The following PDE4A variants were observed in gnomAD, a reference collection of about 807,000 sequenced individuals.
PDE4A encodes phosphodiesterase 4A.
Under a neutral mutation model 73.9 loss-of-function variants are expected in PDE4A, and 21 were observed. The observed-to-expected ratio is 0.28, with a 90% CI of 0.20 to 0.41. PDE4A has a LOEUF of 0.41. Ranked by LOEUF, PDE4A falls within the 10% of genes least tolerant of loss-of-function variation. The probability of loss-of-function intolerance (pLI) is 1.00; values close to 1 mark genes in which losing one functional copy is unlikely to be tolerated. For synonymous variants in PDE4A, 463 were observed against 505.4 expected (o/e 0.92, Z 1.13); for missense variants, 958 against 1,211.4 (o/e 0.79, Z 3.10).
Position 10,424,110 on chromosome 19 carries a change from C to T in PDE4A, c.320+3026C>T. Reference sequence around the variant, plus strand: ...CCCAGAGAGAGGGCACTGCCCACCCCCAACCGGAGATGTCATCCAAACCTC... The same window carrying T: ...CCCAGAGAGAGGGCACTGCCCACCCTCAACCGGAGATGTCATCCAAACCTC... On this transcript the variant is annotated intron_variant, in intron 1 of 14. Coordinates refer to ENST00000380702, the MANE Select transcript of PDE4A (RefSeq NM_001111307.2). The surrounding 1 kb of genome is among the most constrained non-coding windows in gnomAD (Gnocchi z 4.8). 6.6e-6 allele frequency among the ~76,000 whole-genome samples: 1 copy of T among 152,210 alleles called. No homozygotes were observed. The highest frequency in any genetic ancestry group is 1.9e-4 in the East Asian group (1 of 5,198).
chr19:10,463,804 C>T lies in PDE4A; in HGVS notation c.1755C>T (p.Asn585=), dbSNP rs2043317938. 1 of 1,614,172 alleles carries T rather than the reference C, an allele frequency of 6.2e-7. No individual in the cohort carries two copies. Among genetic ancestry groups the T allele is most frequent in the South Asian group, 1.1e-5 (1 of 91,082 alleles). Reference sequence around the variant, plus strand: ...CCAACCCCATGCAGGTCCTCCGGAACATGGTGCACTGTGCCGACCTCAGCA... The same window carrying T: ...CCAACCCCATGCAGGTCCTCCGGAATATGGTGCACTGTGCCGACCTCAGCA... ...NYSDRIQVLR[N]MVHCADLSNP... is the part of the protein sequence containing the mutation. Residue 585 remains asparagine, a synonymous_variant, in exon 14 of 15, where the codon AAC becomes AAT. Coordinates refer to ENST00000380702, the MANE Select transcript of PDE4A (RefSeq NM_001111307.2).
chr19:10,425,354 T>A (rs1321410505), intron 1 of PDE4A, among the ~76,000 whole-genome samples: 1 of 152,202 alleles, frequency 6.6e-6, no homozygotes, highest in Non-Finnish European at 1.5e-5. Flanking sequence ...GAGCCTCAGT[T>A]TCCTCATCAG....
At chr19:10,466,314 G>A (rs1002097145) in intron 14 of PDE4A, among the ~76,000 whole-genome samples, 1 of 148,950 alleles carries the variant, frequency 6.7e-6, no homozygotes, top group Admixed American at 6.6e-5. Flanking sequence ...GCACGATGGC[G>A]GGCGCCTGTA....
chr19:10,457,777 T>G, intron 7 of PDE4A, 102 bp from the exon 8 acceptor site: 5 of 1,531,570 alleles, frequency 3.3e-6, no homozygotes, highest in Non-Finnish European at 4.4e-6. Flanking sequence ...TTCTGCCGTT[T>G]CGGGTGAGCC....
intron 1 of PDE4A, among the ~76,000 whole-genome samples, chr19:10,438,665 T>C (rs188537341): frequency 3.9e-5 from 6 of 152,262 alleles, no homozygotes; most frequent in Non-Finnish European, 7.4e-5. Context: ...TGGAATGCAA[T>C]GTCCCAATCT....
intron 1 of PDE4A, chr19:10,423,114 C>A: frequency 5.1e-6 from 5 of 978,962 alleles, no homozygotes; most frequent in Non-Finnish European, 4.8e-6. Context: ...GGTATTCCTG[C>A]TGGCATATGG....
Position 10,421,138 on chromosome 19 carries a change from G to A in PDE4A, c.320+54G>A. 3.0e-6 allele frequency: 4 copies of A among 1,339,974 alleles called. No homozygotes were observed. In the South Asian group the frequency reaches 7.6e-5, roughly 25 times the overall value. 83.0% of individuals were successfully genotyped at this position (1,339,974 alleles called of 1,614,324 possible). A position where few individuals can be genotyped will look rare whatever the true frequency, so the allele number is the denominator to read the frequency against. On this transcript the variant is annotated intron_variant, in intron 1 of 14. Transcript: ENST00000380702. Reference sequence around the variant, plus strand: ...GAACGGATGGGCGCGCAGGGAGGAGGCAACTCGAGCTGCCGGCCGCAGGGG... The same window carrying A: ...GAACGGATGGGCGCGCAGGGAGGAGACAACTCGAGCTGCCGGCCGCAGGGG...
intron 1 of PDE4A, chr19:10,427,878 C>T: frequency 1.0e-6 from 1 of 984,502 alleles, no homozygotes; most frequent in Non-Finnish European, 1.2e-6. Flanking sequence ...TCATGCCCAA[C>T]ACACTTTGGG....
Position 10,420,971 on chromosome 19 carries a change from T to C in PDE4A, c.207T>C (p.Asp69=). Residue 69 remains aspartate, a synonymous_variant, in exon 1 of 15, where the codon GAT becomes GAC. Coordinates refer to ENST00000380702, the MANE Select transcript of PDE4A (RefSeq NM_001111307.2). The surrounding 1 kb of genome is among the most constrained non-coding windows in gnomAD (Gnocchi z 6.0). The part of the protein sequence containing the change: ...RQPHRPIERA[D]AMDTSDRPGL... ...CGCACCGGCCCATAGAGCGCGCCGA[T>C]GCCATGGACACCAGCGACCGGCCCG... 1 of 1,552,894 alleles carries C rather than the reference T, an allele frequency of 6.4e-7. No homozygotes were observed. The highest frequency in any genetic ancestry group is 8.6e-7 in the Non-Finnish European group (1 of 1,158,554).
chr19:10,461,832 G>T (rs199805319), intron 12 of PDE4A, 45 bp from the exon 13 acceptor site: 7 of 1,600,042 alleles, frequency 4.4e-6, no homozygotes, highest in Non-Finnish European at 6.0e-6. Flanking sequence ...GGGTCAGTCT[G>T]GGGGGCGGGT....
upstream of PDE4A, among the ~76,000 whole-genome samples, chr19:10,418,084 G>A (rs1214316035): frequency 6.6e-6 from 1 of 152,174 alleles, no homozygotes; most frequent in Admixed American, 6.5e-5. Context: ...GAGTCAGCAA[G>A]GGGCAGGACT....
rs2043133565 is a variant in PDE4A at position 10,453,972 on chromosome 19, C to G, written c.784-857C>G. ...CAAGTGTCCCTCCTGCTTCCCTGGA[C>G]AGAGTCTGCTCCTGCTTTTGGGGTG... On this transcript the variant is annotated intron_variant, in intron 6 of 14. Transcript: ENST00000380702. The surrounding 1 kb of genome is among the most constrained non-coding windows in gnomAD (Gnocchi z 4.6). 6.6e-6 allele frequency among the ~76,000 whole-genome samples: 1 copy of G among 152,052 alleles called. No individual in the cohort carries two copies. The highest frequency in any genetic ancestry group is 1.5e-5 in the Non-Finnish European group (1 of 67,994).
intron 10 of PDE4A, among the ~76,000 whole-genome samples, chr19:10,460,624 G>A (rs527310813): frequency 4.5e-4 from 67 of 148,926 alleles, no homozygotes; most frequent in African/African-American, 1.6e-3. Context: ...GCGAAACCCT[G>A]TCTCTACCAA....
At position 10,464,079 on chromosome 19, in the gene PDE4A, T is replaced by C. The variant is rs2043324387; in HGVS notation, c.1926+104T>C. 1.6e-5 allele frequency: 23 copies of C among 1,422,716 alleles called. 1 individual carries two copies. In the South Asian group the frequency reaches 2.6e-4, roughly 16 times the overall value. 88.1% of individuals were successfully genotyped at this position (1,422,716 alleles called of 1,614,324 possible). On this transcript the variant is annotated intron_variant, in intron 14 of 14. Transcript: ENST00000380702. ...GAGCTCCTCCCCTGCCTTTCCACAA[T>C]GCCAAGTTGTCCTGTTTTTGGTTTT...
At chr19:10,445,246 C>A (rs2042988261) in intron 1 of PDE4A, among the ~76,000 whole-genome samples, 1 of 152,152 alleles carries the variant, frequency 6.6e-6, no homozygotes, top group East Asian at 1.9e-4. Flanking sequence ...TGCAACCAGT[C>A]CTGGCTGAGG....
chr19:10,417,289 G>T, upstream of PDE4A: 9 of 985,052 alleles, frequency 9.1e-6, no homozygotes, highest in Non-Finnish European at 1.1e-5. Context: ...AGATGTGAGG[G>T]ATGGGAGGGG....
chr19:10,446,278 G>A lies in PDE4A; in HGVS notation c.381G>A (p.Ala127=), dbSNP rs374833601. The change falls in exon 2 of 15, where the codon GCG becomes GCA. Residue 127 remains alanine (A), a synonymous_variant. Transcript: ENST00000380702. The part of the protein sequence containing the change: ...SPGRSPLDSQ[A]SPGLVLHAGA... ...GCCGCAGCCCCCTGGACTCGCAGGC[G>A]AGCCCAGGACTCGTGCTGCACGCCG... 4.7e-5 allele frequency: 76 copies of A among 1,606,970 alleles called. No individual in the cohort carries two copies. Among genetic ancestry groups the A allele is most frequent in the Non-Finnish European group, 5.9e-5 (70 of 1,176,884 alleles).
intron 1 of PDE4A, among the ~76,000 whole-genome samples, chr19:10,444,669 GA>G (rs2042981075): frequency 6.9e-6 from 1 of 143,902 alleles, no homozygotes; most frequent in South Asian, 2.3e-4. Context: ...CTGTGTCTGA[GA>G]TTTTTTTTTT....
Position 10,467,678 on chromosome 19 carries a change from C to T in PDE4A, c.*57C>T, listed in dbSNP as rs1483665822. 2.3e-6 allele frequency: 3 copies of T among 1,308,150 alleles called. No individual in the cohort carries two copies. Among genetic ancestry groups the T allele is most frequent in the East Asian group, 2.3e-5 (1 of 42,572 alleles). The allele number at this position is 1,308,150 out of a possible 1,614,324, so 81.0% of individuals were successfully genotyped here. ...TCCTCCCCTCACTCCCCTGCTCCCC[C>T]GACCACCTCCTCCTCTGCCTCAAAG... On this transcript the variant is annotated 3_prime_UTR_variant, in exon 15 of 15. Transcript: ENST00000380702.
Sources: gnomAD v4.1 joint callset for allele counts (sites outside exome capture counted in the v4.1 genomes callset) on GRCh38, gnomAD v4.1.1 for gene constraint, Gnocchi (gnomAD v3.1) non-coding constraint, MANE v1.5 for transcripts, NCBI Gene and HGNC (gene_info 2026-07-23, HGNC 2026-07-21) for gene names.